The following ZNF630 variants were observed in gnomAD, a reference collection of about 807,000 sequenced individuals.
The protein encoded by ZNF630 is zinc finger protein 630.
ZNF630 carries 5 observed loss-of-function variants against 7.2 expected under a neutral mutation model. That is an observed-to-expected ratio of 0.70 (90% confidence interval 0.36 to 1.46). ZNF630 has a LOEUF of 1.46. Among genes scored for constraint, ZNF630 ranks in the 40% most tolerant of loss-of-function variants. ZNF630 has a pLI of 0.03. For missense variants in ZNF630, 461 were observed against 477.0 expected (o/e 0.97, Z 0.31); for synonymous variants, 158 against 162.8 (o/e 0.97, Z 0.23).
chrX:48,062,846 G>A (rs1330802845), intron 2 of ZNF630, among the ~76,000 whole-genome samples: 1 of 109,901 alleles, frequency 9.1e-6, no homozygotes, highest in Admixed American at 9.7e-5. Flanking sequence ...AGGCTGAGGT[G>A]AGAGGATTAC....
chrX:48,067,742 C>A (rs781899394), intron 1 of ZNF630, among the ~76,000 whole-genome samples: 1 of 110,928 alleles, frequency 9.0e-6, no homozygotes, highest in Non-Finnish European at 1.9e-5. Context: ...TGAAGACCAG[C>A]CTGGGCAACA....
At chrX:48,066,534 A>T in intron 2 of ZNF630, 1 of 247,871 alleles carries the variant, frequency 4.0e-6, no homozygotes. Flanking sequence ...AAAACCACTG[A>T]CCTTCAGGAA....
chrX:48,068,667 T>C (rs1556910537), intron 1 of ZNF630, among the ~76,000 whole-genome samples: 1 of 111,071 alleles, frequency 9.0e-6, no homozygotes, highest in African/African-American at 3.3e-5. Flanking sequence ...CATGTCATAT[T>C]TGGCCCACTG....
Position 48,059,919 on chromosome X carries a change from A to T in ZNF630, c.523T>A (p.Phe175Ile). 8.3e-7 allele frequency: 1 copy of T among 1,208,146 alleles called. No homozygotes were observed. The highest frequency in any genetic ancestry group is 1.1e-6 in the Non-Finnish European group (1 of 893,198). ...TTTTCACATGAATCAAACTTATGGA[A>T]TTTTTGACTTAAAGGAGCAAGGTCT... is the stretch of plus-strand genomic sequence containing the variant. ...CTDLAPLSQK[F>I]HKFDSCENSL... Residue 175 changes from phenylalanine (F) to isoleucine (I), a missense_variant, in exon 5 of 5, where the codon TTC becomes ATC. Physicochemically the swap from Phe to Ile is conservative, Grantham distance 21. Transcript: ENST00000276054.
intron 2 of ZNF630, among the ~76,000 whole-genome samples, chrX:48,063,346 G>GAA: frequency 9.3e-6 from 1 of 107,315 alleles, no homozygotes; most frequent in Admixed American, 1.0e-4. Context: ...CATAAGCAAA[G>GAA]ACAAGGAAAG....
At position 48,069,852 on chromosome X, in the gene ZNF630, T is replaced by G. The variant is rs5953161; in HGVS notation, c.-176+1415A>C. 4.8e-3 allele frequency among the ~76,000 whole-genome samples: 477 copies of G among 99,393 alleles called. 12 individuals carry two copies. The highest frequency in any genetic ancestry group is 0.016 in the African/African-American group (441 of 27,540). The allele number at this position is 99,393 out of a possible 115,157, so 86.3% of individuals were successfully genotyped here. A position where few individuals can be genotyped will look rare whatever the true frequency, so the allele number is the denominator to read the frequency against. On this transcript the variant is annotated intron_variant, in intron 1 of 4. Transcript: ENST00000276054. ...ACAGGACATTGTCTGTTTTTTTTTT[T>G]TTTGTTTTTTGTTTTTTGTTTTTGA... is the stretch of plus-strand genomic sequence containing the variant.
chrX:48,063,762 CT>C (rs2146505901), intron 2 of ZNF630, among the ~76,000 whole-genome samples: 1 of 110,467 alleles, frequency 9.1e-6, no homozygotes, highest in East Asian at 2.8e-4. Context: ...GTGGCAGGCA[CT>C]TGTAATCCCT....
Position 48,059,193 on chromosome X carries a change from GTGTT to G in ZNF630, c.1245_1248del (p.Lys415AsnfsTer32). 8.3e-7 allele frequency: 1 copy of G among 1,208,473 alleles called. No homozygotes were observed. Among genetic ancestry groups the G allele is most frequent in the Non-Finnish European group, 1.1e-6 (1 of 893,180 alleles). On this transcript the variant is annotated frameshift_variant, in exon 5 of 5. Transcript: ENST00000276054. LOFTEE classifies it low-confidence loss of function (END_TRUNC). ...TGCGTTCTCTGATGTATAATGAGCTGTGTTTTCCGAGGGAAGGTCTTCCCACATT... is the reference window on the plus strand; with the variant it reads ...TGCGTTCTCTGATGTATAATGAGCTGTTCCGAGGGAAGGTCTTCCCACATT...
Position 48,059,538 on chromosome X carries a change from C to T in ZNF630, c.904G>A (p.Glu302Lys). The T allele has an allele frequency of 6.6e-6, 8 of 1,207,719 alleles. No homozygotes were observed. The highest frequency in any genetic ancestry group is 9.0e-6 in the Non-Finnish European group (8 of 893,026). ...VCGDCRKAFS[E>K]KSHLIVHQRI... ...TGATGCACAATGAGGTGTGATTTCTCACTGAAGGCTTTCCTACAATCTCCA... is the reference window on the plus strand; with the variant it reads ...TGATGCACAATGAGGTGTGATTTCTTACTGAAGGCTTTCCTACAATCTCCA... The change falls in exon 5 of 5, where the codon GAG becomes AAG. Residue 302 changes from glutamate to lysine, a missense_variant. Physicochemically the swap from Glu to Lys is moderately conservative, Grantham distance 56. Coordinates refer to ENST00000276054, the MANE Select transcript of ZNF630 (RefSeq NM_001282201.2).
At position 48,066,950 on chromosome X, in the gene ZNF630, A is replaced by G. The variant is rs1413220296; in HGVS notation, c.-64T>C. ...GGGTGCAGAAGAGTCTTCGGAGATC[A>G]AGCTGAGTTAACCACTCTTCAACAG... On this transcript the variant is annotated 5_prime_UTR_variant, in exon 2 of 5. Coordinates refer to ENST00000276054, the MANE Select transcript of ZNF630 (RefSeq NM_001282201.2). 36 of 1,123,303 alleles carry G rather than the reference A, an allele frequency of 3.2e-5. 1 individual carries two copies. The highest frequency in any genetic ancestry group is 4.4e-5 in the Non-Finnish European group (36 of 820,208). 92.6% of individuals were successfully genotyped at this position (1,123,303 alleles called of 1,213,427 possible).
At chrX:48,069,083 TAAAC>T (rs1256385603) in intron 1 of ZNF630, among the ~76,000 whole-genome samples, 7 of 109,153 alleles carry the variant, frequency 6.4e-5, no homozygotes, top group Non-Finnish European at 1.9e-5. Context: ...CTACAAAAAA[TAAAC>T]AAAATTAGCC....
rs138107882 is a variant in ZNF630, at chrX:48,066,965, C to G, written c.-79G>C. On this transcript the variant is annotated 5_prime_UTR_variant, in exon 2 of 5. Coordinates refer to ENST00000276054, the MANE Select transcript of ZNF630 (RefSeq NM_001282201.2). ...TTCGGAGATCAAGCTGAGTTAACCA[C>G]TCTTCAACAGCTGGATGTGACAATG... The G allele has an allele frequency of 9.8e-7, 1 of 1,016,467 alleles. No individual in the cohort carries two copies. The highest frequency in any genetic ancestry group is 1.4e-6 in the Non-Finnish European group (1 of 727,503). The allele number at this position is 1,016,467 out of a possible 1,213,427, so 83.8% of individuals were successfully genotyped here. A position where few individuals can be genotyped will look rare whatever the true frequency, so the allele number is the denominator to read the frequency against.
intron 1 of ZNF630, among the ~76,000 whole-genome samples, chrX:48,067,738 C>T (rs1360855675): frequency 9.0e-6 from 1 of 110,833 alleles, no homozygotes; most frequent in Non-Finnish European, 1.9e-5. Flanking sequence ...GAGTTGAAGA[C>T]CAGCCTGGGC....
intron 1 of ZNF630, among the ~76,000 whole-genome samples, chrX:48,068,933 C>G (rs2059146449): frequency 9.0e-6 from 1 of 111,548 alleles, no homozygotes; most frequent in South Asian, 3.7e-4. Context: ...GAATGTATTC[C>G]TAATTGTTTA....
At chrX:48,069,355 A>G (rs1476297819) in intron 1 of ZNF630, among the ~76,000 whole-genome samples, 1 of 110,954 alleles carries the variant, frequency 9.0e-6, no homozygotes, top group Non-Finnish European at 1.9e-5. Flanking sequence ...CTTGGAGGCA[A>G]AACAAAACAA....
In ZNF630 at chrX:48,058,432, A is replaced by G. The variant is rs782292495; in HGVS notation, c.*36T>C. ...TTCAATGTGAGTTTTCCCATAGACA[A>G]TGAGGACTGACTTCTGGGAATAGGC... On this transcript the variant is annotated 3_prime_UTR_variant, in exon 5 of 5. Coordinates refer to ENST00000276054, the MANE Select transcript of ZNF630 (RefSeq NM_001282201.2). 4 of 1,132,920 alleles carry G rather than the reference A, an allele frequency of 3.5e-6. No homozygotes were observed. Among genetic ancestry groups the G allele is most frequent in the South Asian group, 4.4e-5 (2 of 45,687 alleles). 93.4% of individuals were successfully genotyped at this position (1,132,920 alleles called of 1,213,427 possible). A position where few individuals can be genotyped will look rare whatever the true frequency, so the allele number is the denominator to read the frequency against.
In ZNF630 at chrX:48,059,481, A is replaced by G. The variant is rs373048680; in HGVS notation, c.961T>C (p.Cys321Arg). Residue 321 changes from cysteine to arginine, a missense_variant, in exon 5 of 5, where the codon TGT (cysteine) becomes CGT (arginine). Coordinates refer to ENST00000276054, the MANE Select transcript of ZNF630 (RefSeq NM_001282201.2). ...RIHTGEKPYE[C>R]TKYGRAFSRK... ...GAGAATGCTCTTCCATACTTAGTAC[A>G]TTCATAGGGTTTCTCCCCAGTATGA... The G allele has an allele frequency of 3.9e-5, 47 of 1,206,691 alleles. No individual in the cohort carries two copies. The African/African-American group carries it at 4.9e-4, about 13-fold the overall frequency.
At position 48,060,522 on chromosome X, in the gene ZNF630, C is replaced by T. The variant is rs540190601; in HGVS notation, c.166G>A (p.Val56Ile). The change falls in exon 4 of 5, where the codon GTA becomes ATA. Residue 56 changes from valine to isoleucine, a missense_variant. Transcript: ENST00000276054. Reference protein sequence around the residue: ...SVGCSGIKPDVIFKLEHGKDP... With the variant: ...SVGCSGIKPDIIFKLEHGKDP... The stretch of plus-strand genomic sequence containing the variant: ...TTTCCATGTTCCAACTTAAAGATTA[C>T]ATCTGGTTTTATACCTGAACACCCT... 6.6e-6 allele frequency: 8 copies of T among 1,204,041 alleles called. No individual in the cohort carries two copies. Among genetic ancestry groups the T allele is most frequent in the Middle Eastern group, 2.3e-4 (1 of 4,338 alleles).
At chrX:48,063,265 CA>C (rs782317074) in intron 2 of ZNF630, among the ~76,000 whole-genome samples, 1,737 of 29,976 alleles carry the variant, frequency 0.058, 13 homozygotes, top group Middle Eastern at 0.14. Flanking sequence ...ACTACCTGGC[CA>C]AAAAAAAAAA....
Sources: gnomAD v4.1 joint callset for allele counts (sites outside exome capture counted in the v4.1 genomes callset) on GRCh38, gnomAD v4.1.1 for gene constraint, MANE v1.5 for transcripts, NCBI Gene and HGNC (gene_info 2026-07-23, HGNC 2026-07-21) for gene names.